The following OTOA variants were observed in gnomAD, a reference collection of about 807,000 sequenced individuals.
The protein encoded by OTOA is otoancorin.
Under a neutral mutation model 110.8 loss-of-function variants are expected in OTOA, and 70 were observed. That is an observed-to-expected ratio of 0.63 (90% CI 0.52 to 0.77). OTOA has a LOEUF of 0.77. OTOA is among the 30% of genes least tolerant of loss of function. The pLI, the probability that OTOA is intolerant of heterozygous loss-of-function variation, is 0.00. For synonymous variants in OTOA, 373 were observed against 431.5 expected (o/e 0.86, Z 1.68); for missense variants, 917 against 1,075.8 (o/e 0.85, Z 2.06).
chr16:21,696,496 A>G (rs1330544264), intron 9 of OTOA, among the ~76,000 whole-genome samples: 1 of 152,140 alleles, frequency 6.6e-6, no homozygotes, highest in Non-Finnish European at 1.5e-5. Context: ...TAACATGGTG[A>G]TAATCAGTGA....
chr16:21,714,492 C>A (rs1316928801), intron 13 of OTOA, among the ~76,000 whole-genome samples: 1 of 128,326 alleles, frequency 7.8e-6, no homozygotes, highest in Non-Finnish European at 1.7e-5. Flanking sequence ...CTCCCTCTCT[C>A]TCTCTCTCTT....
chr16:21,723,329 C>A (rs1898818206), intron 18 of OTOA, among the ~76,000 whole-genome samples: 1 of 152,082 alleles, frequency 6.6e-6, no homozygotes, highest in Non-Finnish European at 1.5e-5. Flanking sequence ...CATGTGTGAG[C>A]TTTTGGGCCT....
At chr16:21,665,394 C>T (rs1966838773) in intron 1 of OTOA, among the ~76,000 whole-genome samples, 1 of 152,110 alleles carries the variant, frequency 6.6e-6, no homozygotes, top group East Asian at 1.9e-4. Context: ...AAGAATTAAG[C>T]GAGACAATGT....
intron 21 of OTOA, among the ~76,000 whole-genome samples, chr16:21,733,869 G>A (rs1385913684): frequency 1.3e-5 from 2 of 152,122 alleles, no homozygotes; most frequent in Non-Finnish European, 2.9e-5. Flanking sequence ...GCACGATTTC[G>A]GCTCACTGCA....
At chr16:21,732,293 AT>A (rs901619423) in intron 21 of OTOA, among the ~76,000 whole-genome samples, 10 of 151,494 alleles carry the variant, frequency 6.6e-5, no homozygotes, top group East Asian at 1.9e-4. Flanking sequence ...ATATCCATCT[AT>A]TTTTTTTCCT....
chr16:21,696,200 T>C (rs2141670982), intron 9 of OTOA, among the ~76,000 whole-genome samples: 1 of 152,128 alleles, frequency 6.6e-6, no homozygotes, highest in East Asian at 1.9e-4. Flanking sequence ...GCTGACTTGA[T>C]GGTTTTTAAA....
At chr16:21,676,262 A>G (rs1966857507) in intron 1 of OTOA, among the ~76,000 whole-genome samples, 2 of 151,426 alleles carry the variant, frequency 1.3e-5, no homozygotes, top group South Asian at 2.1e-4. Flanking sequence ...CGGATTTTAC[A>G]TTGCTGGATT....
intron 16 of OTOA, 67 bp downstream of exon 16, chr16:21,719,258 C>G: frequency 6.3e-7 from 1 of 1,595,494 alleles, no homozygotes; most frequent in African/African-American, 1.3e-5. Flanking sequence ...GAGCAGCCTA[C>G]TTTTCCAGGT....
chr16:21,726,414 C>T, intron 18 of OTOA, 109 bp from the exon 19 acceptor site: 4 of 1,487,776 alleles, frequency 2.7e-6, no homozygotes, highest in South Asian at 2.3e-5. Flanking sequence ...GAAGAACAAA[C>T]ATTTAAAGAA....
intron 1 of OTOA, among the ~76,000 whole-genome samples, chr16:21,673,299 C>T (rs955531239): frequency 1.3e-5 from 2 of 152,154 alleles, no homozygotes; most frequent in Non-Finnish European, 2.9e-5. Context: ...GGTACAAATT[C>T]AGGGCTTATT....
intron 21 of OTOA, among the ~76,000 whole-genome samples, chr16:21,734,676 A>C (rs1597854963): frequency 6.6e-6 from 1 of 152,042 alleles, no homozygotes; most frequent in East Asian, 1.9e-4. Flanking sequence ...CTCTACTAAA[A>C]AATACAAAAA....
Position 21,734,670 on chromosome 16 carries a change from A to G in OTOA, c.2302-1591A>G, listed in dbSNP as rs143146100. On this transcript the variant is annotated intron_variant, in intron 21 of 28. Coordinates refer to ENST00000646100, the MANE Select transcript of OTOA (RefSeq NM_144672.4). ...GCTAAGAGGGTGAAACCCCGTCTCTACTAAAAAATACAAAAAATTAGCCGG... is the reference window on the plus strand; with the variant it reads ...GCTAAGAGGGTGAAACCCCGTCTCTGCTAAAAAATACAAAAAATTAGCCGG... Among the ~76,000 whole-genome samples the G allele has an allele frequency of 1.2e-3, 185 of 152,154 alleles. 1 individual carries two copies. Among genetic ancestry groups the G allele is most frequent in the African/African-American group, 4.4e-3 (182 of 41,492 alleles).
At chr16:21,704,822 A>G (rs1898123301) in intron 11 of OTOA, 1 of 726,736 alleles carries the variant, frequency 1.4e-6, no homozygotes, top group East Asian at 2.5e-5. Context: ...GCGGAGGGTA[A>G]TGAGACTTGA....
intron 11 of OTOA, among the ~76,000 whole-genome samples, chr16:21,703,957 G>A (rs1282452085): frequency 6.6e-6 from 1 of 152,158 alleles, no homozygotes. Flanking sequence ...TAGAGGCTCA[G>A]AGAGGGAGAG....
Position 21,728,441 on chromosome 16 carries a change from G to T in OTOA, c.2207+10G>T. 1 of 1,611,922 alleles carries T rather than the reference G, an allele frequency of 6.2e-7. No individual in the cohort carries two copies. The highest frequency in any genetic ancestry group is 8.5e-7 in the Non-Finnish European group (1 of 1,179,172). ...TCCTGGGACAGTATGGGTGAGGAGC[G>T]GCTGGGTTTGGCTTTTGGTGGTGTG... On this transcript the variant is annotated intron_variant, in intron 20 of 28. Coordinates refer to ENST00000646100, the MANE Select transcript of OTOA (RefSeq NM_144672.4).
chr16:21,712,347 GA>G (rs1319640900), intron 13 of OTOA, among the ~76,000 whole-genome samples: 1 of 150,856 alleles, frequency 6.6e-6, no homozygotes, highest in Non-Finnish European at 1.5e-5. Context: ...AAAAAAAAAA[GA>G]AAAAAGTAGT....
At chr16:21,693,585 A>G (rs1468345804) in intron 9 of OTOA, among the ~76,000 whole-genome samples, 1 of 152,088 alleles carries the variant, frequency 6.6e-6, no homozygotes, top group African/African-American at 2.4e-5. Context: ...TATGAAGAAA[A>G]TAAAATAGTT....
intron 6 of OTOA, chr16:21,684,649 T>C (rs1966967618): frequency 1.0e-6 from 1 of 978,124 alleles, no homozygotes; most frequent in South Asian, 1.6e-5. Context: ...TAAAAGGGGA[T>C]GTGCGCCCGG....
intron 11 of OTOA, among the ~76,000 whole-genome samples, chr16:21,702,711 C>G (rs898850920): frequency 6.6e-6 from 1 of 152,166 alleles, no homozygotes; most frequent in Non-Finnish European, 1.5e-5. Flanking sequence ...GAGTCTCACT[C>G]TGTCGCCAGG....
Sources: allele counts gnomAD v4.1 joint callset (sites outside exome capture counted in the v4.1 genomes callset), GRCh38; gene constraint gnomAD v4.1.1; transcripts MANE v1.5; gene names NCBI Gene and HGNC (gene_info 2026-07-23, HGNC 2026-07-21).